PEBP4: variants seen among roughly 807,000 people sequenced by gnomAD.
The protein encoded by PEBP4 is phosphatidylethanolamine-binding protein 4.
PEBP4 carries 22 observed loss-of-function variants against 23.9 expected under a neutral mutation model. That is an observed-to-expected ratio of 0.92 (90% CI 0.66 to 1.31). The LOEUF (loss-of-function observed/expected upper bound fraction) is 1.31, where lower values mean the gene tolerates loss of function less well. Among genes scored for constraint, PEBP4 ranks in the 40% most tolerant of loss-of-function variants. The probability of loss-of-function intolerance (pLI) is 0.00; values close to 1 mark genes in which losing one functional copy is unlikely to be tolerated. For synonymous variants in PEBP4, 112 were observed against 99.3 expected (o/e 1.13, Z -0.76); for missense variants, 324 against 281.7 (o/e 1.15, Z -1.07).
At chr8:22,855,837 T>G (rs1807634786) in intron 3 of PEBP4, among the ~76,000 whole-genome samples, 1 of 151,746 alleles carries the variant, frequency 6.6e-6, no homozygotes. Context: ...GCCTAGCAAT[T>G]TGAAACCAGC....
intron 4 of PEBP4, among the ~76,000 whole-genome samples, chr8:22,805,017 C>T (rs558390023): frequency 6.6e-6 from 1 of 152,284 alleles, no homozygotes; most frequent in East Asian, 1.9e-4. Flanking sequence ...TCCTTCTCAT[C>T]TCCACGGTTC....
intron 3 of PEBP4, among the ~76,000 whole-genome samples, chr8:22,896,926 C>T (rs1585330540): frequency 6.7e-6 from 1 of 149,778 alleles, no homozygotes; most frequent in African/African-American, 2.4e-5. Flanking sequence ...TTATATATAA[C>T]ATATTTAGAT....
intron 3 of PEBP4, among the ~76,000 whole-genome samples, chr8:22,892,930 GAT>G: frequency 6.6e-6 from 1 of 152,288 alleles, no homozygotes; most frequent in South Asian, 2.1e-4. Context: ...GAGTTGAGGA[GAT>G]AGAGCTCAAG....
intron 3 of PEBP4, among the ~76,000 whole-genome samples, chr8:22,856,356 A>T (rs967493846): frequency 1.3e-5 from 2 of 152,224 alleles, no homozygotes; most frequent in African/African-American, 4.8e-5. Context: ...TGTTGATGAA[A>T]TGTTGACAGT....
At chr8:22,764,215 A>G (rs1426308375) in intron 4 of PEBP4, among the ~76,000 whole-genome samples, 3 of 152,300 alleles carry the variant, frequency 2.0e-5, no homozygotes, top group Non-Finnish European at 4.4e-5. Flanking sequence ...AGTGGTCCCA[A>G]GTATGTTGTT....
rs1809368575 is a variant in PEBP4 at position 22,927,518 on chromosome 8, C to T, written c.131+66G>A. ...TGGTGCTTCTTGGTTCTGGATATAC[C>T]CCTCCCTGCCATCTACCTGCCTGGT... On this transcript the variant is annotated intron_variant, in intron 2 of 6. Transcript: ENST00000256404. 4 of 1,543,556 alleles carry T rather than the reference C, an allele frequency of 2.6e-6. No homozygotes were observed. In the South Asian group the frequency reaches 3.7e-5, roughly 14 times the overall value.
At chr8:22,803,940 G>T (rs1332040290) in intron 4 of PEBP4, among the ~76,000 whole-genome samples, 3 of 152,202 alleles carry the variant, frequency 2.0e-5, no homozygotes, top group Non-Finnish European at 4.4e-5. Context: ...TCTTGCCTTG[G>T]TGTAAGTCAC....
intron 3 of PEBP4, among the ~76,000 whole-genome samples, chr8:22,908,756 T>C (rs960356137): frequency 6.6e-6 from 1 of 152,176 alleles, no homozygotes; most frequent in Non-Finnish European, 1.5e-5. Context: ...GAGGGGAAAC[T>C]GCAGGTGAAT....
chr8:22,792,645 C>T (rs1806162364), intron 4 of PEBP4, among the ~76,000 whole-genome samples: 1 of 152,086 alleles, frequency 6.6e-6, no homozygotes, highest in African/African-American at 2.4e-5. Context: ...TAGCAAATTT[C>T]GTTCTAAGTA....
At chr8:22,936,956 TAA>T (rs1809549218) in intron 1 of PEBP4, among the ~76,000 whole-genome samples, 1 of 152,096 alleles carries the variant, frequency 6.6e-6, no homozygotes. Flanking sequence ...CTCGATATGA[TAA>T]AGGCCATATA....
intron 1 of PEBP4, among the ~76,000 whole-genome samples, chr8:22,935,383 T>C (rs954224842): frequency 5.3e-5 from 8 of 152,150 alleles, no homozygotes; most frequent in African/African-American, 1.9e-4. Flanking sequence ...TAGCTGGGCA[T>C]GGTGGCAGGC....
intron 3 of PEBP4, among the ~76,000 whole-genome samples, chr8:22,882,018 G>T (rs1352029919): frequency 6.6e-6 from 1 of 152,162 alleles, no homozygotes; most frequent in African/African-American, 2.4e-5. Context: ...TGAGGAAGGG[G>T]TTGTCAATGA....
At chr8:22,854,741 G>A (rs994295731) in intron 3 of PEBP4, among the ~76,000 whole-genome samples, 1 of 152,138 alleles carries the variant, frequency 6.6e-6, no homozygotes, top group East Asian at 1.9e-4. Context: ...ATTATAACGT[G>A]TAATTATGTC....
intron 6 of PEBP4, among the ~76,000 whole-genome samples, chr8:22,716,196 T>A (rs1321561588): frequency 6.6e-6 from 1 of 152,158 alleles, no homozygotes; most frequent in African/African-American, 2.4e-5. Flanking sequence ...GGCCTGGGCA[T>A]CTCAGGACAG....
intron 3 of PEBP4, among the ~76,000 whole-genome samples, chr8:22,918,512 C>T (rs1028490507): frequency 6.6e-6 from 1 of 152,194 alleles, no homozygotes; most frequent in African/African-American, 2.4e-5. Flanking sequence ...CAAAGACTTT[C>T]CCAACAGGCT....
intron 4 of PEBP4, among the ~76,000 whole-genome samples, chr8:22,814,466 A>G (rs1806697031): frequency 6.6e-6 from 1 of 152,102 alleles, no homozygotes; most frequent in African/African-American, 2.4e-5. Context: ...CCCTCTTTGG[A>G]GTGGAGGTGG....
intron 3 of PEBP4, among the ~76,000 whole-genome samples, chr8:22,855,980 G>A (rs1196095142): frequency 6.7e-6 from 1 of 149,512 alleles, no homozygotes; most frequent in African/African-American, 2.5e-5. Context: ...GGAGGCTGAG[G>A]CTGAGGCTGC....
chr8:22,882,389 G>T (rs936429751), intron 3 of PEBP4, among the ~76,000 whole-genome samples: 1 of 152,220 alleles, frequency 6.6e-6, no homozygotes, highest in Non-Finnish European at 1.5e-5. Context: ...GCCAGCAGGG[G>T]GTCCCAGTTG....
At chr8:22,745,172 A>G (rs1407851212) in intron 4 of PEBP4, among the ~76,000 whole-genome samples, 1 of 152,158 alleles carries the variant, frequency 6.6e-6, no homozygotes, top group African/African-American at 2.4e-5. Context: ...AGATCTTCCC[A>G]GCTCTCTCCT....
Sources: gnomAD v4.1 joint callset for allele counts (sites outside exome capture counted in the v4.1 genomes callset) on GRCh38, gnomAD v4.1.1 for gene constraint, MANE v1.5 for transcripts, NCBI Gene and HGNC (gene_info 2026-07-23, HGNC 2026-07-21) for gene names.